The following EPHA3 variants were observed in gnomAD, a reference collection of about 807,000 sequenced individuals.
EPHA3 encodes EPH receptor A3.
Under a neutral mutation model 107.1 loss-of-function variants are expected in EPHA3, and 42 were observed. The observed-to-expected ratio is 0.39, with a 90% confidence interval of 0.31 to 0.51. EPHA3 has a LOEUF of 0.51. Ranked by LOEUF, EPHA3 falls within the 20% of genes least tolerant of loss-of-function variation. EPHA3 has a pLI of 0.78. For missense variants in EPHA3, 1,183 were observed against 1,211.2 expected (o/e 0.98, Z 0.35); for synonymous variants, 461 against 424.8 (o/e 1.09, Z -1.05).
chr3:89,315,399 C>T (rs1706872551), intron 3 of EPHA3, among the ~76,000 whole-genome samples: 1 of 151,768 alleles, frequency 6.6e-6, no homozygotes, highest in Non-Finnish European at 1.5e-5. Context: ...CAGTTCAGAG[C>T]TCAGGGAACA....
intron 5 of EPHA3, among the ~76,000 whole-genome samples, chr3:89,345,556 C>T (rs573500960): frequency 7.3e-5 from 11 of 150,906 alleles, no homozygotes; most frequent in Non-Finnish European, 1.6e-4. Context: ...ATTTCTGAAC[C>T]ACTTGCAGAT....
chr3:89,421,537 C>T (rs1709353114), intron 11 of EPHA3, among the ~76,000 whole-genome samples: 4 of 151,118 alleles, frequency 2.6e-5, no homozygotes, highest in African/African-American at 9.7e-5. Context: ...CTAACTTCTT[C>T]AACATGTGTA....
chr3:89,387,792 C>A (rs1012874737), intron 5 of EPHA3, among the ~76,000 whole-genome samples: 3 of 151,996 alleles, frequency 2.0e-5, no homozygotes, highest in Non-Finnish European at 4.4e-5. Context: ...CTATGAAATG[C>A]ATACTTCATT....
At chr3:89,422,686 T>C (rs1234200069) in intron 11 of EPHA3, among the ~76,000 whole-genome samples, 1 of 151,492 alleles carries the variant, frequency 6.6e-6, no homozygotes, top group African/African-American at 2.4e-5. Flanking sequence ...AATTTGGGTG[T>C]ATAGAAAAAA....
In EPHA3 at chr3:89,341,933, C is replaced by G. The variant is rs751263935; in HGVS notation, c.1149C>G (p.Leu383=). The change falls in exon 5 of 17, where the codon CTC becomes CTG. Residue 383 remains leucine, a synonymous_variant. Transcript: ENST00000336596. ...CEPCSPNVRF[L]PRQFGLTNTT... Reference sequence around the variant, plus strand: ...CATGCAGCCCAAATGTCCGCTTCCTCCCTCGACAGTTTGGACTCACCAACA... The same window carrying G: ...CATGCAGCCCAAATGTCCGCTTCCTGCCTCGACAGTTTGGACTCACCAACA... 23 of 1,613,594 alleles carry G rather than the reference C, an allele frequency of 1.4e-5. No individual in the cohort carries two copies. The highest frequency in any genetic ancestry group is 1.8e-5 in the Non-Finnish European group (21 of 1,179,944).
At chr3:89,196,435 GATTTCAAGTCATC>G (rs1705838433) in intron 2 of EPHA3, among the ~76,000 whole-genome samples, 1 of 141,284 alleles carries the variant, frequency 7.1e-6, no homozygotes, top group Admixed American at 6.9e-5. Flanking sequence ...TCAAGTCATA[GATTTCAAGTCATC>G]ATTTTCACTG....
chr3:89,385,689 C>A (rs549788865), intron 5 of EPHA3, among the ~76,000 whole-genome samples: 1 of 151,956 alleles, frequency 6.6e-6, no homozygotes, highest in East Asian at 1.9e-4. Context: ...TAAGGATACC[C>A]AAAAATGTGG....
intron 3 of EPHA3, among the ~76,000 whole-genome samples, chr3:89,273,157 T>C (rs924704933): frequency 6.6e-6 from 1 of 151,956 alleles, no homozygotes; most frequent in African/African-American, 2.4e-5. Context: ...TTATTCCAAC[T>C]GCTTTAACTC....
At chr3:89,249,270 G>T (rs1018367229) in intron 3 of EPHA3, among the ~76,000 whole-genome samples, 1 of 152,094 alleles carries the variant, frequency 6.6e-6, no homozygotes, top group African/African-American at 2.4e-5. Flanking sequence ...GATATGAGTG[G>T]TCCTGGCATT....
At chr3:89,364,105 T>C (rs1294697747) in intron 5 of EPHA3, among the ~76,000 whole-genome samples, 1 of 150,832 alleles carries the variant, frequency 6.6e-6, no homozygotes, top group African/African-American at 2.4e-5. Context: ...GCATAGAATT[T>C]CAGGAATAGT....
intron 5 of EPHA3, among the ~76,000 whole-genome samples, chr3:89,353,761 T>A (rs1224290595): frequency 1.3e-5 from 2 of 151,306 alleles, no homozygotes; most frequent in Non-Finnish European, 3.0e-5. Context: ...AACCATATAT[T>A]GTCCTGACAG....
intron 1 of EPHA3, among the ~76,000 whole-genome samples, chr3:89,113,674 A>G (rs1310291340): frequency 1.3e-5 from 2 of 151,980 alleles, no homozygotes; most frequent in African/African-American, 4.8e-5. Context: ...ATCACGTAAA[A>G]CATCTGGCTA....
In EPHA3 at chr3:89,211,730, TC is replaced by T. The variant is rs1704095612; in HGVS notation, c.814+1211del. Among the ~76,000 whole-genome samples, 7 of 13,294 alleles carry T rather than the reference TC, an allele frequency of 5.3e-4. 1 individual carries two copies. Among genetic ancestry groups the T allele is most frequent in the Admixed American group, 2.3e-3 (2 of 882 alleles). 8.7% of individuals were successfully genotyped at this position (13,294 alleles called of 152,430 possible). A position where few individuals can be genotyped will look rare whatever the true frequency, so the allele number is the denominator to read the frequency against. On this transcript the variant is annotated intron_variant, in intron 3 of 16. Transcript: ENST00000336596. ...TTCCTCTTCCTCTTCTTCTTTTTCT[TC>T]TTCTTCTTCTCCTTCTTCTTCTTCT...
chr3:89,373,863 T>G (rs1170278862), intron 5 of EPHA3, among the ~76,000 whole-genome samples: 1 of 151,818 alleles, frequency 6.6e-6, no homozygotes, highest in Non-Finnish European at 1.5e-5. Flanking sequence ...ATGTAGAGGA[T>G]AAGGTCGATG....
chr3:89,127,679 T>G (rs957437886), intron 2 of EPHA3, among the ~76,000 whole-genome samples: 1 of 151,982 alleles, frequency 6.6e-6, no homozygotes. Context: ...CAGTAACTGC[T>G]CTTCCAAGTA....
At chr3:89,352,630 G>T (rs1707853429) in intron 5 of EPHA3, among the ~76,000 whole-genome samples, 1 of 151,094 alleles carries the variant, frequency 6.6e-6, no homozygotes, top group Non-Finnish European at 1.5e-5. Flanking sequence ...TAGGCTAGGT[G>T]TGGTGGCTCA....
intron 3 of EPHA3, among the ~76,000 whole-genome samples, chr3:89,218,375 G>A (rs558606941): frequency 1.7e-4 from 25 of 145,736 alleles, no homozygotes; most frequent in African/African-American, 6.1e-4. Flanking sequence ...CCACCTATGA[G>A]TGAGAACATG....
intron 7 of EPHA3, 128 bp downstream of exon 7, chr3:89,399,608 T>C: frequency 1.4e-6 from 2 of 1,412,592 alleles, no homozygotes; most frequent in Non-Finnish European, 1.9e-6. Flanking sequence ...GCTTGGGACA[T>C]TGCAATTTGC....
At chr3:89,243,534 T>C (rs1365595961) in intron 3 of EPHA3, among the ~76,000 whole-genome samples, 1 of 152,242 alleles carries the variant, frequency 6.6e-6, no homozygotes, top group Non-Finnish European at 1.5e-5. Context: ...CATGTGTCTT[T>C]TGGCTGCATA....
Sources: allele counts gnomAD v4.1 joint callset (sites outside exome capture counted in the v4.1 genomes callset), GRCh38; gene constraint gnomAD v4.1.1; transcripts MANE v1.5; gene names NCBI Gene and HGNC (gene_info 2026-07-23, HGNC 2026-07-21).